The following PELP1 variants were observed in gnomAD, a reference collection of about 807,000 sequenced individuals.
PELP1 encodes proline-, glutamic acid- and leucine-rich protein 1.
A neutral mutation model predicts 95.5 loss-of-function variants in PELP1; 32 were observed. The observed-to-expected ratio is 0.34, with a 90% CI of 0.25 to 0.45. The LOEUF is 0.45. Among genes scored for constraint, PELP1 ranks in the 20% least tolerant of loss-of-function variants. PELP1 has a pLI of 1.00. For missense variants in PELP1, 1,358 were observed against 1,444.8 expected (o/e 0.94, Z 0.97); for synonymous variants, 668 against 600.1 (o/e 1.11, Z -1.65).
At chr17:4,676,202 C>T in intron 7 of PELP1, 40 bp from the exon 8 acceptor site, 1 of 1,606,492 alleles carries the variant, frequency 6.2e-7, no homozygotes, top group Non-Finnish European at 8.5e-7. Context: ...GTCTTTCTTC[C>T]ATCCCCTCCT....
At chr17:4,681,148 T>C (rs1303528065) in intron 5 of PELP1, among the ~76,000 whole-genome samples, 2 of 152,180 alleles carry the variant, frequency 1.3e-5, no homozygotes, top group African/African-American at 4.8e-5. Flanking sequence ...GGAAGTGATA[T>C]GTCAGAAAGC....
chr17:4,683,492 T>G (rs1329007012), intron 3 of PELP1, among the ~76,000 whole-genome samples: 3 of 147,210 alleles, frequency 2.0e-5, no homozygotes, highest in Non-Finnish European at 3.0e-5. Flanking sequence ...GTGCTGGGAT[T>G]ACAGGTGTGA....
chr17:4,675,737 C>T lies in PELP1; in HGVS notation c.1068+60G>A. The T allele has an allele frequency of 8.0e-7, 1 of 1,249,948 alleles. No individual in the cohort carries two copies. Among genetic ancestry groups the T allele is most frequent in the Non-Finnish European group, 1.1e-6 (1 of 870,934 alleles). 77.4% of individuals were successfully genotyped at this position (1,249,948 alleles called of 1,614,324 possible). On this transcript the variant is annotated intron_variant, in intron 9 of 16. Transcript: ENST00000572293. This position sits in a 1 kb window ranked among gnomAD's most constrained non-coding sequence, Gnocchi z 4.3. Reference sequence around the variant, plus strand: ...TTTGGGGAGACTCAGGTCCCCAGTACTTTCCTGGTTGCCTGGTATCCTGAG... The same window carrying T: ...TTTGGGGAGACTCAGGTCCCCAGTATTTTCCTGGTTGCCTGGTATCCTGAG...
intron 1 of PELP1, among the ~76,000 whole-genome samples, chr17:4,698,833 T>C (rs779602500): frequency 2.9e-4 from 44 of 152,158 alleles, no homozygotes; most frequent in Non-Finnish European, 4.3e-4. Flanking sequence ...ATATTAATTC[T>C]CTGATCATGA....
rs1912277203 is a variant in PELP1 at position 4,672,728 on chromosome 17, T to C, written c.2263A>G (p.Thr755Ala). The change falls in exon 16 of 17, where the codon ACT becomes GCT. Residue 755 changes from threonine (T) to alanine (A), a missense_variant. Around this residue, in one of 7 missense-constraint regions of PELP1, gnomAD observed 340 missense variants for 322.9 expected, o/e 1.05. Transcript: ENST00000572293. ...TPPPTIPPDE[T>A]FGGRVPRPAF... ...GGTCTGGGCACTCTCCCCCCAAAAG[T>C]TTCATCTGGGGGTATAGTAGGTGGG... The C allele has an allele frequency of 1.2e-6, 2 of 1,613,216 alleles. No individual in the cohort carries two copies. Among genetic ancestry groups the C allele is most frequent in the Non-Finnish European group, 1.7e-6 (2 of 1,179,642 alleles).
intron 12 of PELP1, 47 bp from the exon 13 acceptor site, chr17:4,674,716 G>A (rs746841142): frequency 1.8e-5 from 28 of 1,589,012 alleles, no homozygotes; most frequent in Middle Eastern, 3.4e-4. Flanking sequence ...AAACAACAAG[G>A]CAAGACAGCC....
Position 4,673,351 on chromosome 17 carries a change from G to A in PELP1, c.1744C>T (p.Leu582=). The part of the protein sequence containing the change: ...SSRCRRELYC[L]LLALLLAPSP... ...GGGGCCAGCAGCAGCGCCAGCAGCA[G>A]GCAGTAGAGTTCACGGCGGCAGCGG... Residue 582 remains leucine (L), a synonymous_variant, in exon 15 of 17, where the codon CTG becomes TTG. Transcript: ENST00000572293. The surrounding 1 kb of genome is among the most constrained non-coding windows in gnomAD (Gnocchi z 5.7). The A allele has an allele frequency of 6.3e-7, 1 of 1,596,276 alleles. No homozygotes were observed. The highest frequency in any genetic ancestry group is 8.5e-7 in the Non-Finnish European group (1 of 1,171,700).
chr17:4,703,229 G>GT (rs1913617634), intron 1 of PELP1, among the ~76,000 whole-genome samples: 1 of 152,094 alleles, frequency 6.6e-6, no homozygotes, highest in South Asian at 2.1e-4. Context: ...CTTCTTTCCA[G>GT]TTCCTTCCTA....
intron 1 of PELP1, among the ~76,000 whole-genome samples, chr17:4,696,032 G>GA (rs35433764): frequency 6.9e-6 from 1 of 144,852 alleles, no homozygotes; most frequent in African/African-American, 2.6e-5. Context: ...TCCAGGAAAA[G>GA]AAAAAAAAAA....
chr17:4,690,042 G>C (rs1270019337), intron 3 of PELP1, among the ~76,000 whole-genome samples: 1 of 151,102 alleles, frequency 6.6e-6, no homozygotes, highest in Non-Finnish European at 1.5e-5. Context: ...GACAGAGACA[G>C]AGAGAGAGAG....
At chr17:4,703,650 G>C (rs1005053680) in intron 1 of PELP1, among the ~76,000 whole-genome samples, 1 of 152,166 alleles carries the variant, frequency 6.6e-6, no homozygotes. Context: ...CCTAACAACA[G>C]AAAAATAAGG....
chr17:4,679,862 G>A lies in PELP1; in HGVS notation c.642+2640C>T, dbSNP rs139070153. The stretch of plus-strand genomic sequence containing the variant: ...AAGGACACAACCCCTCGCTCACTCA[G>A]AACTAGCATCTGCTCAGGCACTTTT... On this transcript the variant is annotated intron_variant, in intron 5 of 16. Coordinates refer to ENST00000572293, the MANE Select transcript of PELP1 (RefSeq NM_014389.3). 8.1e-4 allele frequency among the ~76,000 whole-genome samples: 124 copies of A among 152,272 alleles called. 2 individuals are homozygous for A. In the East Asian group the frequency reaches 0.019, roughly 23 times the overall value.
chr17:4,700,992 TAAAAAAAAAAAAAA>T (rs34278447), intron 1 of PELP1, among the ~76,000 whole-genome samples: 116 of 29,444 alleles, frequency 3.9e-3, no homozygotes, highest in South Asian at 5.7e-3. Context: ...AAAGTTCCAC[TAAAAAAAAAAAAAA>T]AAAAAAAAAG....
At chr17:4,680,942 A>C (rs1912661380) in intron 5 of PELP1, among the ~76,000 whole-genome samples, 1 of 152,174 alleles carries the variant, frequency 6.6e-6, no homozygotes, top group Non-Finnish European at 1.5e-5. Context: ...CTCCCTAAAA[A>C]CAACACTGTA....
Position 4,674,958 on chromosome 17 carries a change from T to C in PELP1, c.1275-2A>G, listed in dbSNP as rs1735585655. ...GCATACACCTTGGTCCGAACCGTGC[T>C]GTGTCATGAGCAAAGATGGCAGTTA... On this transcript the variant is annotated splice_acceptor_variant, in intron 11 of 16. Coordinates refer to ENST00000572293, the MANE Select transcript of PELP1 (RefSeq NM_014389.3). LOFTEE classifies it high-confidence loss of function. 6.2e-7 allele frequency: 1 copy of C among 1,609,424 alleles called. No homozygotes were observed. Among genetic ancestry groups the C allele is most frequent in the Non-Finnish European group, 8.5e-7 (1 of 1,176,466 alleles).
intron 5 of PELP1, among the ~76,000 whole-genome samples, chr17:4,678,680 T>C (rs1247614615): frequency 1.3e-5 from 2 of 152,142 alleles, no homozygotes; most frequent in Non-Finnish European, 2.9e-5. Context: ...AGTAGGTCAG[T>C]CTTCCCACCC....
chr17:4,690,236 G>A (rs967895705), intron 3 of PELP1, among the ~76,000 whole-genome samples: 2 of 152,018 alleles, frequency 1.3e-5, no homozygotes, highest in African/African-American at 4.8e-5. Context: ...AGGACGCAAA[G>A]GCATAAAAAT....
At chr17:4,685,861 C>T (rs56237051) in intron 3 of PELP1, among the ~76,000 whole-genome samples, 24,191 of 151,102 alleles carry the variant, frequency 0.16, 2,542 homozygotes, top group Non-Finnish European at 0.24. Flanking sequence ...CTTTGGAAGG[C>T]CAAGGTGGGT....
At position 4,690,460 on chromosome 17, in the gene PELP1, A is replaced by G. The variant is rs552225885; in HGVS notation, c.420+428T>C. Among the ~76,000 whole-genome samples the G allele has an allele frequency of 4.7e-3, 707 of 151,960 alleles. 4 individuals carry two copies. The highest frequency in any genetic ancestry group is 0.016 in the African/African-American group (659 of 41,434). Reference sequence around the variant, plus strand: ...ATATAGGCTGGGCACAGTGCCTCACACCTGTAATCCCAGCACTTTGGGAGG... The same window carrying G: ...ATATAGGCTGGGCACAGTGCCTCACGCCTGTAATCCCAGCACTTTGGGAGG... On this transcript the variant is annotated intron_variant, in intron 3 of 16. Coordinates refer to ENST00000572293, the MANE Select transcript of PELP1 (RefSeq NM_014389.3).
Sources: allele counts gnomAD v4.1 joint callset (sites outside exome capture counted in the v4.1 genomes callset), GRCh38; gene constraint gnomAD v4.1.1; regional missense constraint gnomAD v4.1.1; non-coding constraint Gnocchi (gnomAD v3.1); transcripts MANE v1.5; gene names NCBI Gene and HGNC (gene_info 2026-07-23, HGNC 2026-07-21).